Variants in FLT4 observed in about 807,000 individuals in gnomAD.
FLT4 encodes the protein vascular endothelial growth factor receptor 3.
Under a neutral mutation model 163.2 loss-of-function variants are expected in FLT4, and 30 were observed. That is an observed-to-expected ratio of 0.18 (90% CI 0.14 to 0.25). The LOEUF (loss-of-function observed/expected upper bound fraction) is 0.25. Among genes scored for constraint, FLT4 ranks in the 10% least tolerant of loss-of-function variants. The probability of loss-of-function intolerance (pLI) is 1.00; values close to 1 mark genes in which losing one functional copy is unlikely to be tolerated. For synonymous variants in FLT4, 884 were observed against 789.5 expected, an observed-to-expected ratio of 1.12 and a Z score of -2.01; for missense variants, 1,510 against 1,863.8, an observed-to-expected ratio of 0.81 and a Z score of 3.50.
rs913329032 is a variant in FLT4, at chr5:180,603,218, T to G, written c.4066A>C (p.Thr1356Pro). 1.2e-6 allele frequency: 2 copies of G among 1,613,932 alleles called. No individual in the cohort carries two copies. Among genetic ancestry groups the G allele is most frequent in the Non-Finnish European group, 1.7e-6 (2 of 1,180,038 alleles). Residue 1356 changes from threonine (T) to proline (P), a missense_variant, in exon 30 of 30, where the codon ACT becomes CCT. Physicochemically the swap from Thr to Pro is conservative, Grantham distance 38 (BLOSUM62 -1). Transcript: ENST00000261937. The part of the protein sequence containing the change: ...EDHCSPSARV[T>P]FFTDNSY ...TAGTAGCTGTTGTCTGTGAAGAAAG[T>G]CACGCGGGCAGACGGGGAGCAGTGG...
chr5:180,643,146 G>A (rs1407549331), intron 1 of FLT4, among the ~76,000 whole-genome samples: 1 of 152,208 alleles, frequency 6.6e-6, no homozygotes, highest in African/African-American at 2.4e-5. Flanking sequence ...TTCCATCAGC[G>A]TGGGAAACCC....
At chr5:180,635,963 G>A (rs1241307481) in intron 1 of FLT4, among the ~76,000 whole-genome samples, 1 of 149,120 alleles carries the variant, frequency 6.7e-6, no homozygotes, top group Non-Finnish European at 1.5e-5. Flanking sequence ...ATGGGTGGGT[G>A]GGTGGATGGA....
rs529795674 is a variant in FLT4 at position 180,612,715 on chromosome 5, C to T, written c.3432-104G>A. Reference sequence around the variant, plus strand: ...CCCTCTCACCCACTCTGCCCTCCTCCTGACACGTCTCCCACTCTTGTCCAG... The same window carrying T: ...CCCTCTCACCCACTCTGCCCTCCTCTTGACACGTCTCCCACTCTTGTCCAG... On this transcript the variant is annotated intron_variant, in intron 25 of 29. Transcript: ENST00000261937. 557 of 817,840 alleles carry T rather than the reference C, an allele frequency of 6.8e-4. 2 individuals carry two copies. Among genetic ancestry groups the T allele is most frequent in the East Asian group, 5.8e-4 (23 of 39,510 alleles). 50.7% of individuals were successfully genotyped at this position (817,840 alleles called of 1,614,324 possible). A position where few individuals can be genotyped will look rare whatever the true frequency, so the allele number is the denominator to read the frequency against.
At chr5:180,611,777 T>A (rs1456096788) in intron 26 of FLT4, 7 of 506,290 alleles carry the variant, frequency 1.4e-5, no homozygotes, top group Admixed American at 9.8e-5. Flanking sequence ...TCAAGACAGA[T>A]AAGGGGTCAA....
intron 1 of FLT4, among the ~76,000 whole-genome samples, chr5:180,648,185 G>A (rs1288073121): frequency 1.3e-5 from 2 of 152,198 alleles, no homozygotes; most frequent in Non-Finnish European, 2.9e-5. Context: ...GTCCTGGGCT[G>A]GGTCCAGGAG....
At chr5:180,618,560 G>A (rs1019699970) in intron 21 of FLT4, among the ~76,000 whole-genome samples, 1 of 152,218 alleles carries the variant, frequency 6.6e-6, no homozygotes, top group African/African-American at 2.4e-5. Context: ...TTGTCTGCAG[G>A]GCAATTTCCT....
intron 17 of FLT4, 41 bp from the exon 18 acceptor site, chr5:180,619,810 G>T: frequency 1.3e-6 from 2 of 1,490,864 alleles, no homozygotes; most frequent in Non-Finnish European, 1.9e-6. Flanking sequence ...GCTGTACGGG[G>T]TGAGCGTGGA....
intron 21 of FLT4, among the ~76,000 whole-genome samples, chr5:180,618,423 C>T (rs370533006): frequency 2.2e-5 from 3 of 138,136 alleles, no homozygotes; most frequent in Admixed American, 7.1e-5. Context: ...GGGACACCCA[C>T]GTCCTACTCC....
chr5:180,649,339 G>A, intron 1 of FLT4, 149 bp downstream of exon 1: 1 of 463,734 alleles, frequency 2.2e-6, no homozygotes, highest in Non-Finnish European at 3.5e-6. Context: ...CGCCCCAAGC[G>A]CCGTGCTCCC....
chr5:180,609,115 C>T lies in FLT4; in HGVS notation c.3808-62G>A, dbSNP rs1581609430. ...CTGAGGCCCTCCTGCAGGGCAGCCA[C>T]CCCCAGCCAGGAAAGTGCGGCATGG... On this transcript the variant is annotated intron_variant, in intron 28 of 29. Coordinates refer to ENST00000261937, the MANE Select transcript of FLT4 (RefSeq NM_182925.5). 3 of 1,424,950 alleles carry T rather than the reference C, an allele frequency of 2.1e-6. No individual in the cohort carries two copies. In the East Asian group the frequency reaches 6.8e-5, roughly 32 times the overall value. 88.3% of individuals were successfully genotyped at this position (1,424,950 alleles called of 1,614,324 possible). A position where few individuals can be genotyped will look rare whatever the true frequency, so the allele number is the denominator to read the frequency against.
intron 1 of FLT4, among the ~76,000 whole-genome samples, chr5:180,638,775 T>C (rs1212050966): frequency 2.0e-5 from 3 of 152,220 alleles, no homozygotes; most frequent in Non-Finnish European, 4.4e-5. Context: ...AATGGCTCCA[T>C]CCTAGCCTCC....
chr5:180,649,601 G>A (rs2127879577), upstream of FLT4: 1 of 1,102,668 alleles, frequency 9.1e-7, no homozygotes, highest in Non-Finnish European at 1.1e-6. Flanking sequence ...GGCTGAAAGT[G>A]TCCGCGCGGG....
chr5:180,619,483 C>T lies in FLT4; in HGVS notation c.2648-117G>A, dbSNP rs780443659. The T allele has an allele frequency of 4.3e-6, 4 of 933,512 alleles. No homozygotes were observed. The South Asian group carries it at 5.2e-5, about 12-fold the overall frequency. 57.8% of individuals were successfully genotyped at this position (933,512 alleles called of 1,614,324 possible). On this transcript the variant is annotated intron_variant, in intron 18 of 29. Transcript: ENST00000261937. ...GGGCCCCCAGGACATCCTGCCGGCC[C>T]CACTGAGGCAGAGGGGGTTCGGGTG...
At chr5:180,629,497 C>G in intron 6 of FLT4, 70 bp from the exon 7 acceptor site, 1 of 1,576,758 alleles carries the variant, frequency 6.3e-7, no homozygotes. Flanking sequence ...GAAGGCACAC[C>G]TCCCAGCCCA....
rs754428950 is a variant in FLT4 at position 180,620,742 on chromosome 5, G to T, written c.2300-27C>A. Reference sequence around the variant, plus strand: ...TGCGTGGGCAGAAAGGGGCCGGCGTGTGTGTGTGTGTGTGTAAGAGCGTGC... The same window carrying T: ...TGCGTGGGCAGAAAGGGGCCGGCGTTTGTGTGTGTGTGTGTAAGAGCGTGC... On this transcript the variant is annotated intron_variant, in intron 15 of 29. Transcript: ENST00000261937. This position sits in a 1 kb window ranked among gnomAD's most constrained non-coding sequence, Gnocchi z 4.4. The T allele has an allele frequency of 6.4e-7, 1 of 1,562,326 alleles. No homozygotes were observed. The highest frequency in any genetic ancestry group is 1.7e-5 in the Admixed American group (1 of 58,966).
chr5:180,614,903 T>C (rs1581628546), intron 23 of FLT4, among the ~76,000 whole-genome samples: 1 of 152,174 alleles, frequency 6.6e-6, no homozygotes, highest in Middle Eastern at 3.4e-3. Context: ...CGCGGAACCC[T>C]GACCCGCCTT....
At chr5:180,619,213 C>T (rs1662983649) in intron 19 of FLT4, 40 bp downstream of exon 19, 3 of 1,501,078 alleles carry the variant, frequency 2.0e-6, no homozygotes, top group Admixed American at 2.0e-5. Flanking sequence ...GCGCCCCGCG[C>T]CCGGGGTCTC....
chr5:180,611,220 T>C (rs1375867020), intron 27 of FLT4, 111 bp downstream of exon 27: 15 of 1,305,336 alleles, frequency 1.1e-5, no homozygotes, highest in African/African-American at 4.4e-5. Context: ...TTGTGCACAC[T>C]GGCCTCTGAC....
intron 23 of FLT4, among the ~76,000 whole-genome samples, chr5:180,615,545 G>GGC (rs36178154): frequency 0.049 from 1,068 of 21,728 alleles, 14 homozygotes; most frequent in Non-Finnish European, 0.082. Context: ...GGAGCACTGG[G>GGC]CCCGCCGGTC....
Sources: gnomAD v4.1 joint callset for allele counts (sites outside exome capture counted in the v4.1 genomes callset) on GRCh38, gnomAD v4.1.1 for gene constraint, Gnocchi (gnomAD v3.1) non-coding constraint, MANE v1.5 for transcripts, NCBI Gene and HGNC (gene_info 2026-07-23, HGNC 2026-07-21) for gene names.